Variants in ARB2A observed in about 807,000 individuals in gnomAD.
ARB2A encodes the protein ARB2 cotranscriptional regulator A, also known as cotranscriptional regulator ARB2A.
chr5:93,905,524 C>T, the ARB2A span, among the ~76,000 whole-genome samples: 13 of 151,472 alleles, frequency 8.6e-5, no homozygotes, highest in East Asian at 3.9e-4. Context: ...GGGTTTATAA[C>T]GATAAAAACT....
At chr5:94,097,748 A>G in the ARB2A span, among the ~76,000 whole-genome samples, 1 of 151,958 alleles carries the variant, frequency 6.6e-6, no homozygotes, top group Non-Finnish European at 1.5e-5. Flanking sequence ...ACAGGCCCCC[A>G]TCAGCACACA....
the ARB2A span, among the ~76,000 whole-genome samples, chr5:93,876,530 T>C: frequency 6.6e-6 from 1 of 152,126 alleles, no homozygotes; most frequent in African/African-American, 2.4e-5. Flanking sequence ...TATCTATTTA[T>C]ACTCAGCAAG....
chr5:93,977,087 G>A, the ARB2A span, among the ~76,000 whole-genome samples: 1 of 151,876 alleles, frequency 6.6e-6, no homozygotes, highest in African/African-American at 2.4e-5. Flanking sequence ...AAACAGTGCT[G>A]AAAGACTCAC....
chr5:93,877,751 A>G, the ARB2A span, among the ~76,000 whole-genome samples: 1 of 152,146 alleles, frequency 6.6e-6, no homozygotes, highest in Non-Finnish European at 1.5e-5. Flanking sequence ...TTATAGTGAG[A>G]GGAAGAGGTG....
At chr5:93,653,666 C>T in the ARB2A span, among the ~76,000 whole-genome samples, 1 of 151,330 alleles carries the variant, frequency 6.6e-6, no homozygotes, top group African/African-American at 2.4e-5. Flanking sequence ...ACCAAGGAGT[C>T]TGTCTATTAC....
chr5:93,935,685 C>T, the ARB2A span, among the ~76,000 whole-genome samples: 77 of 152,260 alleles, frequency 5.1e-4, no homozygotes, highest in African/African-American at 1.8e-3. Flanking sequence ...AGAGAATCTT[C>T]ATAATGCACA....
chr5:93,993,667 A>C, the ARB2A span, among the ~76,000 whole-genome samples: 2 of 152,128 alleles, frequency 1.3e-5, no homozygotes, highest in Admixed American at 6.6e-5. Context: ...CAATGTAAAT[A>C]AATGGCTTAC....
the ARB2A span, among the ~76,000 whole-genome samples, chr5:93,749,386 A>G: frequency 6.6e-6 from 1 of 152,238 alleles, no homozygotes; most frequent in South Asian, 2.1e-4. Context: ...TACAGGTAAT[A>G]CATTGTGGTA....
chr5:93,705,090 G>A, the ARB2A span, among the ~76,000 whole-genome samples: 1 of 152,078 alleles, frequency 6.6e-6, no homozygotes, highest in Non-Finnish European at 1.5e-5. Context: ...AGTTTTAAAA[G>A]GAAAGTATCA....
chr5:94,002,699 TC>T, the ARB2A span, among the ~76,000 whole-genome samples: 3 of 127,344 alleles, frequency 2.4e-5, no homozygotes, highest in South Asian at 2.4e-4. Flanking sequence ...GAAGTCTCTT[TC>T]TTTTTTTTTA....
chr5:93,987,769 T>G, the ARB2A span, among the ~76,000 whole-genome samples: 1 of 152,176 alleles, frequency 6.6e-6, no homozygotes, highest in South Asian at 2.1e-4. Context: ...CCTTATTGTA[T>G]CCCACCCTTT....
At chr5:93,946,372 G>A in the ARB2A span, among the ~76,000 whole-genome samples, 3 of 152,062 alleles carry the variant, frequency 2.0e-5, no homozygotes, top group African/African-American at 7.2e-5. Flanking sequence ...GAGATTATCT[G>A]ATAAGTTAAA....
chr5:93,732,459 T>A, the ARB2A span, among the ~76,000 whole-genome samples: 1 of 152,154 alleles, frequency 6.6e-6, no homozygotes, highest in Non-Finnish European at 1.5e-5. Flanking sequence ...ATGGGTTAAC[T>A]ACAGAGGTAT....
the ARB2A span, among the ~76,000 whole-genome samples, chr5:94,058,743 G>A: frequency 6.6e-6 from 1 of 152,182 alleles, no homozygotes; most frequent in Admixed American, 6.5e-5. Flanking sequence ...TTTTAAGTGT[G>A]TTCCAAGATG....
At chr5:93,804,887 G>C in the ARB2A span, 20 of 895,074 alleles carry the variant, frequency 2.2e-5, no homozygotes, top group Non-Finnish European at 2.7e-5. Flanking sequence ...AAAAATCAAA[G>C]TTACAATTAA....
the ARB2A span, among the ~76,000 whole-genome samples, chr5:93,746,137 G>T: frequency 2.6e-5 from 4 of 152,130 alleles, no homozygotes; most frequent in African/African-American, 9.7e-5. Flanking sequence ...CCTTTGTGTG[G>T]ATCTTTACTA....
At chr5:93,998,923 T>C in the ARB2A span, among the ~76,000 whole-genome samples, 2 of 152,150 alleles carry the variant, frequency 1.3e-5, no homozygotes, top group Middle Eastern at 3.4e-3. Flanking sequence ...ATAAAACATA[T>C]TATTCTTTTC....
At chr5:93,996,093 C>T in the ARB2A span, among the ~76,000 whole-genome samples, 2 of 151,894 alleles carry the variant, frequency 1.3e-5, no homozygotes, top group Non-Finnish European at 2.9e-5. Context: ...CCAAAATTGC[C>T]AACCACATCA....
At chr5:93,767,290 A>G in the ARB2A span, among the ~76,000 whole-genome samples, 1 of 152,212 alleles carries the variant, frequency 6.6e-6, no homozygotes, top group Non-Finnish European at 1.5e-5. Flanking sequence ...AATGCTCAAT[A>G]TCACTAATTA....
Sources: gnomAD v4.1 joint callset for allele counts (sites outside exome capture counted in the v4.1 genomes callset) on GRCh38, gnomAD v4.1.1 for gene constraint, MANE v1.5 for transcripts, NCBI Gene and HGNC (gene_info 2026-07-23, HGNC 2026-07-21) for gene names.